Variants in PLEKHA5 observed in about 807,000 individuals in gnomAD.
PLEKHA5 encodes the protein pleckstrin homology domain containing A5, also known as pleckstrin homology domain-containing family A member 5.
PLEKHA5 carries 55 observed loss-of-function variants against 181.9 expected under a neutral mutation model. The observed-to-expected ratio is 0.30, with a 90% CI of 0.24 to 0.38. PLEKHA5 has a LOEUF of 0.38. Among genes scored for constraint, PLEKHA5 ranks in the 10% least tolerant of loss-of-function variants. The probability of loss-of-function intolerance (pLI) is 1.00; values close to 1 mark genes in which losing one functional copy is unlikely to be tolerated. For missense variants in PLEKHA5, 1,432 were observed against 1,549.5 expected (o/e 0.92, Z 1.27); for synonymous variants, 535 against 529.4 (o/e 1.01, Z -0.15).
At chr12:19,150,758 C>G (rs2040182677) in intron 3 of PLEKHA5, 1 of 152,160 alleles carries the variant, frequency 6.6e-6, no homozygotes, top group Admixed American at 6.6e-5. Context: ...TGAGGGAGGG[C>G]CGTGGTCAGT....
At chr12:19,306,366 G>C in intron 15 of PLEKHA5, 1 of 486,046 alleles carries the variant, frequency 2.1e-6, no homozygotes, top group Non-Finnish European at 4.0e-6. Context: ...TCTCCAACTA[G>C]CGTGCTCTCT....
intron 15 of PLEKHA5, among the ~76,000 whole-genome samples, chr12:19,310,199 T>C (rs1191775678): frequency 6.6e-6 from 1 of 152,240 alleles, no homozygotes; most frequent in Non-Finnish European, 1.5e-5. Context: ...TACTATTTAG[T>C]CTTTCCTCTG....
At chr12:19,316,112 A>G (rs2088575442) in intron 16 of PLEKHA5, among the ~76,000 whole-genome samples, 1 of 152,110 alleles carries the variant, frequency 6.6e-6, no homozygotes, top group Non-Finnish European at 1.5e-5. Flanking sequence ...ATTATTCCGA[A>G]TAAGTATTAT....
intron 7 of PLEKHA5, among the ~76,000 whole-genome samples, chr12:19,261,774 TTATAAGA>T (rs2068579631): frequency 6.6e-6 from 1 of 152,232 alleles, no homozygotes; most frequent in Admixed American, 6.5e-5. Context: ...GAAGTATAGC[TTATAAGA>T]TATAACAGAG....
Position 19,348,402 on chromosome 12 carries a change from C to G in PLEKHA5, c.2902C>G (p.Pro968Ala), listed in dbSNP as rs1021450204. Reference protein sequence around the residue: ...GYPRNGSHCGPDYRLYKSEPE... With the variant: ...GYPRNGSHCGADYRLYKSEPE... ...AATTACATGTCTTCCTTTCAAGGGT[C>G]CAGATTATAGACTCTACAAGAGTGA... Residue 968 changes from proline to alanine, a missense_variant, in exon 25 of 32, where the codon CCA becomes GCA. Pro to Ala is a conservative substitution (Grantham distance 27, BLOSUM62 -1). This residue lies in a region of PLEKHA5 where 1,143 missense variants were observed against 1,168.4 expected (regional missense o/e 0.98). Coordinates refer to ENST00000429027, the MANE Select transcript of PLEKHA5 (RefSeq NM_001256470.2). 6.3e-7 allele frequency: 1 copy of G among 1,576,430 alleles called. No individual in the cohort carries two copies. Among genetic ancestry groups the G allele is most frequent in the African/African-American group, 1.4e-5 (1 of 72,462 alleles).
At chr12:19,294,577 C>T (rs2079281757) in intron 15 of PLEKHA5, among the ~76,000 whole-genome samples, 1 of 152,104 alleles carries the variant, frequency 6.6e-6, no homozygotes, top group African/African-American at 2.4e-5. Context: ...AACCCAAGAC[C>T]AGCAACAAAA....
intron 3 of PLEKHA5, among the ~76,000 whole-genome samples, chr12:19,159,770 A>C (rs2042550199): frequency 6.6e-6 from 1 of 152,184 alleles, no homozygotes. Context: ...GTAAATAAAA[A>C]CTTTAATTTG....
intron 3 of PLEKHA5, among the ~76,000 whole-genome samples, chr12:19,246,052 C>T (rs923699316): frequency 2.0e-5 from 3 of 149,600 alleles, no homozygotes; most frequent in Non-Finnish European, 3.0e-5. Flanking sequence ...GATCTTGGCT[C>T]ACTGCACGCT....
chr12:19,334,870 C>CTATCTATCTATCTA (rs1461069710), intron 20 of PLEKHA5, among the ~76,000 whole-genome samples: 11 of 26,264 alleles, frequency 4.2e-4, no homozygotes, highest in Non-Finnish European at 8.7e-4. Flanking sequence ...ATATATATAT[C>CTATCTATCTATCTA]TCTGTATACG....
At chr12:19,233,843 C>A (rs940420119) in intron 3 of PLEKHA5, among the ~76,000 whole-genome samples, 1 of 152,096 alleles carries the variant, frequency 6.6e-6, no homozygotes. Flanking sequence ...ATAGAGATAA[C>A]GTGAAAAGAG....
intron 20 of PLEKHA5, among the ~76,000 whole-genome samples, chr12:19,323,933 ATAAACTGTT>A (rs1413798203): frequency 1.3e-5 from 2 of 152,244 alleles, no homozygotes; most frequent in African/African-American, 2.4e-5. Flanking sequence ...CTTGCAGCTT[ATAAACTGTT>A]TTATGAGTTT....
intron 3 of PLEKHA5, among the ~76,000 whole-genome samples, chr12:19,242,346 C>T (rs2062806662): frequency 6.6e-6 from 1 of 152,002 alleles, no homozygotes; most frequent in Non-Finnish European, 1.5e-5. Context: ...TCAAGCAATA[C>T]TCATGCCTCA....
intron 3 of PLEKHA5, among the ~76,000 whole-genome samples, chr12:19,158,425 A>C (rs939589934): frequency 6.6e-6 from 1 of 152,240 alleles, no homozygotes; most frequent in African/African-American, 2.4e-5. Context: ...GTCCTGTGTA[A>C]AGGTGGCTGT....
chr12:19,234,240 C>T (rs1435078739), intron 3 of PLEKHA5, among the ~76,000 whole-genome samples: 1 of 152,174 alleles, frequency 6.6e-6, no homozygotes, highest in Non-Finnish European at 1.5e-5. Flanking sequence ...TCCAGATTCC[C>T]CCAGGCATTT....
In PLEKHA5 at chr12:19,219,613, T is replaced by C. The variant is rs562412890; in HGVS notation, c.228-34327T>C. Among the ~76,000 whole-genome samples the C allele has an allele frequency of 8.5e-5, 13 of 152,242 alleles. 1 individual carries two copies. In the South Asian group the frequency reaches 2.3e-3, roughly 27 times the overall value. On this transcript the variant is annotated intron_variant, in intron 3 of 31. Coordinates refer to ENST00000429027, the MANE Select transcript of PLEKHA5 (RefSeq NM_001256470.2). ...TACTTATAGGTTACCTGTTATTATT[T>C]TAAAAGCATGCTAATATAACATTTT... is the stretch of plus-strand genomic sequence containing the variant.
chr12:19,323,977 A>G (rs972310976), intron 20 of PLEKHA5, among the ~76,000 whole-genome samples: 1 of 152,180 alleles, frequency 6.6e-6, no homozygotes, highest in East Asian at 1.9e-4. Context: ...AGGTCCTATG[A>G]TGTGGTCATC....
intron 3 of PLEKHA5, chr12:19,153,832 T>C (rs1205687590): frequency 6.6e-6 from 1 of 152,204 alleles, no homozygotes; most frequent in African/African-American, 2.4e-5. Context: ...TTTTCTTCTC[T>C]TGTACTGTCA....
intron 3 of PLEKHA5, among the ~76,000 whole-genome samples, chr12:19,161,363 A>G (rs979583969): frequency 6.6e-6 from 1 of 152,222 alleles, no homozygotes; most frequent in African/African-American, 2.4e-5. Context: ...AGTGAATGTC[A>G]TAAAACTTCT....
Position 19,334,818 on chromosome 12 carries a change from C to CAAAAAA in PLEKHA5, c.2449-1690_2449-1685dup, listed in dbSNP as rs1241415983. 5.9e-3 allele frequency among the ~76,000 whole-genome samples: 35 copies of CAAAAAA among 5,976 alleles called. 6 individuals are homozygous for CAAAAAA. The highest frequency in any genetic ancestry group is 0.015 in the Non-Finnish European group (26 of 1,792). The allele number at this position is 5,976 out of a possible 152,430, so 3.9% of individuals were successfully genotyped here. A position where few individuals can be genotyped will look rare whatever the true frequency, so the allele number is the denominator to read the frequency against. On this transcript the variant is annotated intron_variant, in intron 20 of 31. Transcript: ENST00000429027. Reference sequence around the variant, plus strand: ...GCAACATGGCAAAATCCTGTCTTCACAAAAAAAAAAAATATATATATATAT... The same window carrying CAAAAAA: ...GCAACATGGCAAAATCCTGTCTTCACAAAAAAAAAAAAAAAAAATATATATATATAT...
Sources: gnomAD v4.1 joint callset for allele counts (sites outside exome capture counted in the v4.1 genomes callset) on GRCh38, gnomAD v4.1.1 for gene constraint, gnomAD v4.1.1 regional missense constraint, MANE v1.5 for transcripts, NCBI Gene and HGNC (gene_info 2026-07-23, HGNC 2026-07-21) for gene names.